The following YTHDF2 variants were observed in gnomAD, a reference collection of about 807,000 sequenced individuals.
YTHDF2 encodes YTH N6-methyladenosine RNA binding protein F2, also known as YTH domain-containing family protein 2.
A neutral mutation model predicts 50.4 loss-of-function variants in YTHDF2; 2 were observed. That is an observed-to-expected ratio of 0.04 (90% CI 0.02 to 0.12). The LOEUF is 0.12. Ranked by LOEUF, YTHDF2 falls within the 10% of genes least tolerant of loss-of-function variation. The probability of loss-of-function intolerance (pLI) is 1.00; values close to 1 mark genes in which losing one functional copy is unlikely to be tolerated. For missense variants in YTHDF2, 483 were observed against 722.6 expected, an observed-to-expected ratio of 0.67 and a Z score of 3.80; for synonymous variants, 217 against 255.6, an observed-to-expected ratio of 0.85 and a Z score of 1.44.
At chr1:28,765,039 C>T (rs1009880113) in intron 4 of YTHDF2, among the ~76,000 whole-genome samples, 15 of 152,062 alleles carry the variant, frequency 9.9e-5, no homozygotes, top group African/African-American at 3.4e-4. Context: ...CCCTCTGTTC[C>T]TGGTTTAAAT....
chr1:28,767,267 A>G (rs2088232845), intron 4 of YTHDF2, among the ~76,000 whole-genome samples: 1 of 152,168 alleles, frequency 6.6e-6, no homozygotes, highest in South Asian at 2.1e-4. Context: ...AAAGAATGAG[A>G]CAGTGCTGTA....
chr1:28,747,878 C>T (rs1448662466), intron 4 of YTHDF2, among the ~76,000 whole-genome samples: 3 of 151,518 alleles, frequency 2.0e-5, no homozygotes, highest in Non-Finnish European at 4.4e-5. Context: ...GTAAGCACAG[C>T]ACTTTGGGAG....
intron 2 of YTHDF2, 24 bp downstream of exon 2, chr1:28,737,706 C>T (rs748852351): frequency 1.8e-5 from 29 of 1,612,930 alleles, no homozygotes; most frequent in Middle Eastern, 3.4e-4. Context: ...CGCCGGTGGC[C>T]CTGAGCCGGG....
intron 4 of YTHDF2, among the ~76,000 whole-genome samples, chr1:28,764,448 GT>G (rs533159023): frequency 6.8e-6 from 1 of 146,270 alleles, no homozygotes; most frequent in African/African-American, 2.6e-5. Context: ...TTTTTTTTTT[GT>G]TTTTTTTAGT....
At chr1:28,760,355 C>T (rs916280563) in intron 4 of YTHDF2, among the ~76,000 whole-genome samples, 7 of 151,064 alleles carry the variant, frequency 4.6e-5, no homozygotes, top group Non-Finnish European at 8.8e-5. Context: ...AGTGCAGTGG[C>T]GCTATCTTGG....
At chr1:28,768,833 A>ATT (rs1557553668) in intron 4 of YTHDF2, 96 bp from the exon 5 acceptor site, 65 of 928,312 alleles carry the variant, frequency 7.0e-5, no homozygotes, top group South Asian at 4.0e-4. Flanking sequence ...ATTCTAAATA[A>ATT]TTAAATTTCT....
At chr1:28,760,040 C>T (rs1383447549) in intron 4 of YTHDF2, among the ~76,000 whole-genome samples, 3 of 152,144 alleles carry the variant, frequency 2.0e-5, no homozygotes, top group Non-Finnish European at 4.4e-5. Context: ...TACACAGGCT[C>T]AGGATCATCA....
At chr1:28,755,108 A>T (rs1254164077) in intron 4 of YTHDF2, among the ~76,000 whole-genome samples, 1 of 152,190 alleles carries the variant, frequency 6.6e-6, no homozygotes. Context: ...TGTGGTAGAC[A>T]TATTTGTTGA....
chr1:28,737,670 C>A lies in YTHDF2; in HGVS notation c.40C>A (p.Gln14Lys). The A allele has an allele frequency of 1.9e-6, 3 of 1,612,784 alleles. No homozygotes were observed. Among genetic ancestry groups the A allele is most frequent in the Non-Finnish European group, 1.7e-6 (2 of 1,179,294 alleles). Residue 14 changes from glutamine to lysine, a missense_variant, in exon 2 of 5, where the codon CAA (glutamine) becomes AAA (lysine). By Grantham distance (53) the Gln-to-Lys change is moderately conservative (BLOSUM62 1). This residue lies in a region of YTHDF2 where 385 missense variants were observed against 475.8 expected (regional missense o/e 0.81). Transcript: ENST00000373812. ...SSLLEQRPKG[Q>K]GNKVQNGSVH... Reference sequence around the variant, plus strand: ...CCTTCCCCTGCAGAGACCAAAAGGTCAAGGAAACAAAGGTAAGTCCCGCTC... The same window carrying A: ...CCTTCCCCTGCAGAGACCAAAAGGTAAAGGAAACAAAGGTAAGTCCCGCTC...
intron 3 of YTHDF2, chr1:28,740,224 A>G (rs2087755092): frequency 6.6e-6 from 1 of 152,214 alleles, no homozygotes; most frequent in Admixed American, 6.5e-5. Flanking sequence ...CATAATCATT[A>G]TAACAGGGAG....
intron 4 of YTHDF2, among the ~76,000 whole-genome samples, chr1:28,745,765 C>T (rs927368818): frequency 1.5e-5 from 2 of 129,636 alleles, no homozygotes; most frequent in Admixed American, 9.3e-5. Context: ...TTTGGCCTGG[C>T]GTGGTGGCTC....
intron 4 of YTHDF2, among the ~76,000 whole-genome samples, chr1:28,760,086 G>T (rs1266749063): frequency 1.3e-5 from 2 of 152,122 alleles, no homozygotes; most frequent in Non-Finnish European, 2.9e-5. Context: ...TTGTTCGATT[G>T]GAAAGTCTTC....
In YTHDF2 at chr1:28,761,106, AGTGTGT is replaced by A. The variant is rs137903917; in HGVS notation, c.1717-7804_1717-7799del. Among the ~76,000 whole-genome samples the A allele has an allele frequency of 2.0e-3, 240 of 121,728 alleles. 10 individuals are homozygous for A. The East Asian group carries it at 0.045, about 23-fold the overall frequency. The allele number at this position is 121,728 out of a possible 152,430, so 79.9% of individuals were successfully genotyped here. A position where few individuals can be genotyped will look rare whatever the true frequency, so the allele number is the denominator to read the frequency against. On this transcript the variant is annotated intron_variant, in intron 4 of 4. Transcript: ENST00000373812. ...CTGAAATGTCATTATATCGTGCATGAGTGTGTGTGTGTGTGTGTGTGTGTATTTTTT... is the reference window on the plus strand; with the variant it reads ...CTGAAATGTCATTATATCGTGCATGAGTGTGTGTGTGTGTGTGTATTTTTT...
Position 28,738,369 on chromosome 1 carries a change from G to A in YTHDF2, c.132+31G>A, listed in dbSNP as rs985622726. ...TAGTTAACTATTTACATATCTAATC[G>A]AAGGGTGTGGTATATTCTTTCTCCG... On this transcript the variant is annotated intron_variant, in intron 3 of 4. Coordinates refer to ENST00000373812, the MANE Select transcript of YTHDF2 (RefSeq NM_016258.3). 5.9e-6 allele frequency: 9 copies of A among 1,525,364 alleles called. No individual in the cohort carries two copies. In the African/African-American group the frequency reaches 1.2e-4, roughly 21 times the overall value. 94.5% of individuals were successfully genotyped at this position (1,525,364 alleles called of 1,614,324 possible).
intron 4 of YTHDF2, among the ~76,000 whole-genome samples, chr1:28,759,499 A>G (rs776068695): frequency 1.3e-4 from 20 of 152,166 alleles, no homozygotes; most frequent in Non-Finnish European, 1.9e-4. Flanking sequence ...ACAAACCTAG[A>G]TGGTAGAGCC....
At chr1:28,746,746 A>G (rs2087868207) in intron 4 of YTHDF2, among the ~76,000 whole-genome samples, 1 of 146,376 alleles carries the variant, frequency 6.8e-6, no homozygotes, top group Non-Finnish European at 1.5e-5. Flanking sequence ...GGCGATAGAG[A>G]GAGACTCTGT....
chr1:28,763,697 C>T (rs1477765001), intron 4 of YTHDF2, among the ~76,000 whole-genome samples: 4 of 151,500 alleles, frequency 2.6e-5, no homozygotes, highest in African/African-American at 4.8e-5. Flanking sequence ...CCTGGTGATC[C>T]GCCCACCTCA....
Position 28,742,384 on chromosome 1 carries a change from C to CTTTTTT in YTHDF2, c.133-15_133-10dup. On this transcript the variant is annotated intron_variant, in intron 3 of 4. Coordinates refer to ENST00000373812, the MANE Select transcript of YTHDF2 (RefSeq NM_016258.3). ...GTTAATTTTTTGTGTTTTGATTTGC[C>CTTTTTT]TTTTTTTTTCTTCCACAGAATAATG... 6.6e-7 allele frequency: 1 copy of CTTTTTT among 1,513,598 alleles called. No homozygotes were observed. Among genetic ancestry groups the CTTTTTT allele is most frequent in the Non-Finnish European group, 8.8e-7 (1 of 1,131,156 alleles). The allele number at this position is 1,513,598 out of a possible 1,614,324, so 93.8% of individuals were successfully genotyped here.
chr1:28,737,415 C>A, intron 1 of YTHDF2: 1 of 640,570 alleles, frequency 1.6e-6, no homozygotes, highest in Non-Finnish European at 2.6e-6. Context: ...TTTCCTTCCC[C>A]TTCCTTAAAG....
Sources: allele counts gnomAD v4.1 joint callset (sites outside exome capture counted in the v4.1 genomes callset), GRCh38; gene constraint gnomAD v4.1.1; regional missense constraint gnomAD v4.1.1; transcripts MANE v1.5; gene names NCBI Gene and HGNC (gene_info 2026-07-23, HGNC 2026-07-21).